Variants in KCNT2 observed in about 807,000 individuals in gnomAD.
KCNT2 encodes potassium channel subfamily T member 2.
Under a neutral mutation model 153.8 loss-of-function variants are expected in KCNT2, and 67 were observed. That is an observed-to-expected ratio of 0.44 (90% CI 0.36 to 0.53). The LOEUF (loss-of-function observed/expected upper bound fraction) is 0.53. Ranked by LOEUF, KCNT2 falls within the 20% of genes least tolerant of loss-of-function variation. The pLI, the probability that KCNT2 is intolerant of heterozygous loss-of-function variation, is 0.00. For missense variants in KCNT2, 975 were observed against 1,354.8 expected (o/e 0.72, Z 4.40); for synonymous variants, 500 against 458.8 (o/e 1.09, Z -1.15).
At chr1:196,316,150 TG>T in intron 20 of KCNT2, 124 bp from the exon 21 acceptor site, 1 of 569,578 alleles carries the variant, frequency 1.8e-6, no homozygotes, top group East Asian at 3.1e-5. Flanking sequence ...TTTTACAGAG[TG>T]TGCACAGGTA....
intron 13 of KCNT2, among the ~76,000 whole-genome samples, chr1:196,391,907 A>T (rs1005480919): frequency 4.0e-5 from 6 of 151,420 alleles, no homozygotes; most frequent in Non-Finnish European, 8.9e-5. Flanking sequence ...ATGTGGTAAA[A>T]ATAAAATTTT....
intron 13 of KCNT2, among the ~76,000 whole-genome samples, chr1:196,392,438 G>C (rs1411683131): frequency 6.6e-6 from 1 of 151,274 alleles, no homozygotes; most frequent in Non-Finnish European, 1.5e-5. Context: ...ACAACTCTAA[G>C]CATTATGTTC....
At chr1:196,589,209 G>A (rs951278431) in intron 1 of KCNT2, among the ~76,000 whole-genome samples, 1 of 151,666 alleles carries the variant, frequency 6.6e-6, no homozygotes, top group Admixed American at 6.6e-5. Flanking sequence ...ATCTTCTATT[G>A]TATAACTCCA....
intron 13 of KCNT2, among the ~76,000 whole-genome samples, chr1:196,378,813 T>TTA (rs563888936): frequency 0.01 from 1,507 of 147,268 alleles, 22 homozygotes; most frequent in African/African-American, 0.035. Flanking sequence ...GTATATATAA[T>TTA]TATATATATA....
chr1:196,439,455 T>C (rs1490474866), intron 8 of KCNT2, among the ~76,000 whole-genome samples: 1 of 151,986 alleles, frequency 6.6e-6, no homozygotes, highest in Non-Finnish European at 1.5e-5. Flanking sequence ...GAAGATTGAA[T>C]ACATGACTAG....
At chr1:196,339,516 C>CAG (rs1665384546) in intron 16 of KCNT2, among the ~76,000 whole-genome samples, 2 of 101,362 alleles carry the variant, frequency 2.0e-5, no homozygotes, top group African/African-American at 6.5e-5. Context: ...GACACACACA[C>CAG]ACACAGAGAG....
intron 1 of KCNT2, among the ~76,000 whole-genome samples, chr1:196,557,749 C>T (rs945138154): frequency 6.6e-6 from 1 of 151,196 alleles, no homozygotes; most frequent in Non-Finnish European, 1.5e-5. Context: ...AAAAAAACTT[C>T]AATTTTTTGA....
chr1:196,293,865 A>C (rs1452508281), intron 22 of KCNT2, among the ~76,000 whole-genome samples: 4 of 150,622 alleles, frequency 2.7e-5, no homozygotes, highest in African/African-American at 4.8e-5. Flanking sequence ...CAGTCAAAAA[A>C]AAAAAAAACA....
At chr1:196,582,685 G>A (rs539168433) in intron 1 of KCNT2, among the ~76,000 whole-genome samples, 2 of 152,092 alleles carry the variant, frequency 1.3e-5, no homozygotes, top group South Asian at 4.1e-4. Flanking sequence ...ACTAGGCTTG[G>A]TTCAAACACT....
chr1:196,338,914 A>G (rs952985827), intron 16 of KCNT2, among the ~76,000 whole-genome samples: 1 of 147,538 alleles, frequency 6.8e-6, no homozygotes, highest in African/African-American at 2.5e-5. Context: ...GTGGCCTTAC[A>G]GATCAAAGGA....
intron 1 of KCNT2, among the ~76,000 whole-genome samples, chr1:196,506,571 A>G (rs1370550781): frequency 6.6e-6 from 1 of 152,176 alleles, no homozygotes; most frequent in African/African-American, 2.4e-5. Context: ...TAGCTTACTC[A>G]TTAAGACTTG....
chr1:196,457,275 A>T (rs925391962), intron 8 of KCNT2, among the ~76,000 whole-genome samples: 1 of 151,768 alleles, frequency 6.6e-6, no homozygotes, highest in Non-Finnish European at 1.5e-5. Context: ...ATTGGTTCAT[A>T]TAATGAATTG....
intron 22 of KCNT2, among the ~76,000 whole-genome samples, chr1:196,288,853 A>G (rs1172925081): frequency 1.3e-5 from 2 of 152,090 alleles, no homozygotes; most frequent in Non-Finnish European, 2.9e-5. Context: ...TATGGATCAT[A>G]CAGGCAATAC....
rs61820754 is a variant in KCNT2, at chr1:196,469,114, C to G, written c.385-46G>C. 0.028 allele frequency: 30,950 copies of G among 1,104,246 alleles called. 579 individuals carry two copies. Among genetic ancestry groups the G allele is most frequent in the Non-Finnish European group, 0.035 (25,806 of 735,250 alleles). The allele number at this position is 1,104,246 out of a possible 1,614,324, so 68.4% of individuals were successfully genotyped here. ...AAAACGAAAGTCAATTATACTGCCT[C>G]CTATTAAAGGGGGAAAAAGACAGCA... On this transcript the variant is annotated intron_variant, in intron 5 of 27. Coordinates refer to ENST00000294725, the MANE Select transcript of KCNT2 (RefSeq NM_198503.5).
At chr1:196,294,149 A>G (rs1571937997) in intron 22 of KCNT2, among the ~76,000 whole-genome samples, 2 of 152,286 alleles carry the variant, frequency 1.3e-5, no homozygotes, top group Non-Finnish European at 2.9e-5. Flanking sequence ...AAGCTACAAT[A>G]AGATATCACC....
At chr1:196,414,085 A>T (rs1198902746) in intron 12 of KCNT2, among the ~76,000 whole-genome samples, 1 of 151,736 alleles carries the variant, frequency 6.6e-6, no homozygotes, top group Non-Finnish European at 1.5e-5. Flanking sequence ...CATCATATAT[A>T]TAAAAAAAAG....
At chr1:196,436,250 A>G (rs1310743778) in intron 8 of KCNT2, among the ~76,000 whole-genome samples, 1 of 151,638 alleles carries the variant, frequency 6.6e-6, no homozygotes, top group Non-Finnish European at 1.5e-5. Context: ...TTCAAAGATA[A>G]TAAATATAAA....
chr1:196,540,757 T>C (rs1656243948), intron 1 of KCNT2, among the ~76,000 whole-genome samples: 1 of 152,164 alleles, frequency 6.6e-6, no homozygotes, highest in East Asian at 1.9e-4. Flanking sequence ...ATTTCAGCTA[T>C]GAAATAGAAA....
chr1:196,373,062 A>G (rs1485725156), intron 14 of KCNT2, 78 bp downstream of exon 14: 10 of 720,516 alleles, frequency 1.4e-5, no homozygotes, highest in Non-Finnish European at 2.0e-5. Context: ...TAGGCCTTCT[A>G]TATTTTTAAA....
Sources: gnomAD v4.1 joint callset for allele counts (sites outside exome capture counted in the v4.1 genomes callset) on GRCh38, gnomAD v4.1.1 for gene constraint, MANE v1.5 for transcripts, NCBI Gene and HGNC (gene_info 2026-07-23, HGNC 2026-07-21) for gene names.